Variants in FAM120B observed in about 807,000 individuals in gnomAD.
FAM120B encodes the protein constitutive coactivator of peroxisome proliferator-activated receptor gamma.
FAM120B carries 83 observed loss-of-function variants against 96.3 expected under a neutral mutation model. That is an observed-to-expected ratio of 0.86 (90% confidence interval 0.72 to 1.03). The LOEUF (loss-of-function observed/expected upper bound fraction) is 1.03. Among genes scored for constraint, FAM120B ranks in the 50% least tolerant of loss-of-function variants. The pLI, the probability that FAM120B is intolerant of heterozygous loss-of-function variation, is 0.00. For synonymous variants in FAM120B, 407 were observed against 402.7 expected, an observed-to-expected ratio of 1.01 and a Z score of -0.13; for missense variants, 1,027 against 1,121.2, an observed-to-expected ratio of 0.92 and a Z score of 1.20.
At chr6:170,393,993 T>G (rs1409932242) in intron 8 of FAM120B, among the ~76,000 whole-genome samples, 1 of 152,184 alleles carries the variant, frequency 6.6e-6, no homozygotes, top group Non-Finnish European at 1.5e-5. Context: ...CACCTGTTAT[T>G]CTCAGTGTGT....
chr6:170,378,069 G>A (rs991462422), intron 6 of FAM120B, among the ~76,000 whole-genome samples: 4 of 152,180 alleles, frequency 2.6e-5, no homozygotes, highest in African/African-American at 9.7e-5. Flanking sequence ...TTTGTTTCTT[G>A]GTTTAGAGTT....
chr6:170,323,298 T>C (rs1255586680), intron 3 of FAM120B, 39 bp downstream of exon 3: 2 of 1,545,000 alleles, frequency 1.3e-6, no homozygotes, highest in South Asian at 2.4e-5. Context: ...AGGTTCTATT[T>C]GGAGTTGAGT....
chr6:170,295,182 T>G, upstream of FAM120B: 1 of 496,180 alleles, frequency 2.0e-6, no homozygotes, highest in Non-Finnish European at 3.6e-6. The surrounding 1 kb of genome is among the most constrained non-coding windows in gnomAD (Gnocchi z 7.8). Context: ...GGAGCTATCA[T>G]GGTTACTTCC....
At chr6:170,395,458 A>G (rs1174635889) in intron 8 of FAM120B, 29 bp from the exon 9 acceptor site, 5 of 1,536,458 alleles carry the variant, frequency 3.3e-6, no homozygotes, top group Non-Finnish European at 4.4e-6. Context: ...TTGACAACTT[A>G]CTAATCTTCT....
chr6:170,343,280 T>TCAC (rs1326997933), intron 4 of FAM120B, among the ~76,000 whole-genome samples: 1 of 152,138 alleles, frequency 6.6e-6, no homozygotes, highest in African/African-American at 2.4e-5. Context: ...TTAAAGCCTT[T>TCAC]TTGTAGAGTG....
chr6:170,296,073 A>G (rs1475634157), intron 1 of FAM120B, among the ~76,000 whole-genome samples: 1 of 151,946 alleles, frequency 6.6e-6, no homozygotes, highest in Non-Finnish European at 1.5e-5. Context: ...GCGCGTGTTT[A>G]CCTGCGGCCG....
intron 5 of FAM120B, 126 bp from the exon 6 acceptor site, chr6:170,358,100 C>G: frequency 2.7e-6 from 2 of 748,314 alleles, no homozygotes; most frequent in Non-Finnish European, 4.5e-6. Flanking sequence ...GTGCGTGTGC[C>G]TGTACGTGCC....
chr6:170,291,556 A>C (rs1783873836), upstream of FAM120B, among the ~76,000 whole-genome samples: 1 of 152,138 alleles, frequency 6.6e-6, no homozygotes, highest in African/African-American at 2.4e-5. Flanking sequence ...TTCGGGGAGC[A>C]TCGTAGGAAA....
At chr6:170,391,201 T>G (rs1158353448) in intron 8 of FAM120B, 80 bp downstream of exon 8, 1 of 946,952 alleles carries the variant, frequency 1.1e-6, no homozygotes, top group Non-Finnish European at 1.7e-6. Flanking sequence ...ATAAATGAAT[T>G]CTAAGAAGAG....
chr6:170,400,521 C>G (rs189405146), intron 9 of FAM120B, among the ~76,000 whole-genome samples: 1 of 152,118 alleles, frequency 6.6e-6, no homozygotes, highest in Admixed American at 6.5e-5. Context: ...CTGCCCCTTC[C>G]CAGTGGCCTG....
chr6:170,369,850 T>A (rs985596882), intron 6 of FAM120B, among the ~76,000 whole-genome samples: 3 of 152,176 alleles, frequency 2.0e-5, no homozygotes, highest in Admixed American at 1.3e-4. Context: ...CCATGGAACC[T>A]TTGCACCTTG....
rs151206720 is a variant in FAM120B at position 170,330,516 on chromosome 6, G to C, written c.1983G>C (p.Pro661=). The change falls in exon 4 of 11, where the codon CCG becomes CCC. Residue 661 remains proline (P), a synonymous_variant. Transcript: ENST00000476287. ...ATCCTGGGAACCCACTGAGGCACCCGGACCTCGTCAGGCCGCTGCAGATGA... is the reference window on the plus strand; with the variant it reads ...ATCCTGGGAACCCACTGAGGCACCCCGACCTCGTCAGGCCGCTGCAGATGA... ...FVYPGNPLRH[P]DLVRPLQMTI... is the part of the protein sequence containing the mutation. 87 of 1,614,138 alleles carry C rather than the reference G, an allele frequency of 5.4e-5. 1 individual carries two copies. In the African/African-American group the frequency reaches 1.1e-3, roughly 20 times the overall value.
chr6:170,317,295 C>T, intron 1 of FAM120B, 75 bp from the exon 2 acceptor site: 1 of 1,152,596 alleles, frequency 8.7e-7, no homozygotes, highest in Non-Finnish European at 1.3e-6. Context: ...ATATTAACTA[C>T]TGTGTTTGCT....
At chr6:170,351,117 A>T (rs1056734957) in intron 5 of FAM120B, among the ~76,000 whole-genome samples, 2 of 152,228 alleles carry the variant, frequency 1.3e-5, no homozygotes, top group African/African-American at 2.4e-5. Context: ...GAGCTGAAAA[A>T]CACAGCATAA....
At chr6:170,296,449 G>T (rs115223894) in intron 1 of FAM120B, among the ~76,000 whole-genome samples, 14,168 of 151,898 alleles carry the variant, frequency 0.093, 937 homozygotes, top group African/African-American at 0.18. Flanking sequence ...CTGCGAGGGC[G>T]GAGGGCGGCG....
At chr6:170,306,572 G>C (rs1784292704), upstream of FAM120B, 1 of 152,228 alleles carries the variant, frequency 6.6e-6, no homozygotes, top group African/African-American at 2.4e-5. Flanking sequence ...AGTTGCTGTG[G>C]CAACAGGCCG....
chr6:170,332,258 G>A (rs1354769628), intron 4 of FAM120B, among the ~76,000 whole-genome samples: 1 of 152,212 alleles, frequency 6.6e-6, no homozygotes, highest in Non-Finnish European at 1.5e-5. Context: ...CATCAATAAT[G>A]ATGATAATTC....
chr6:170,364,503 C>A (rs187772536), intron 6 of FAM120B, among the ~76,000 whole-genome samples: 1 of 152,292 alleles, frequency 6.6e-6, no homozygotes, highest in Non-Finnish European at 1.5e-5. Flanking sequence ...AGCATCCTGC[C>A]AACATTGATT....
chr6:170,341,859 T>C (rs1245187668), intron 4 of FAM120B, among the ~76,000 whole-genome samples: 1 of 152,198 alleles, frequency 6.6e-6, no homozygotes, highest in African/African-American at 2.4e-5. Context: ...CAGTTGGAAA[T>C]GCAGAAATCA....
Sources: allele counts gnomAD v4.1 joint callset (sites outside exome capture counted in the v4.1 genomes callset), GRCh38; gene constraint gnomAD v4.1.1; non-coding constraint Gnocchi (gnomAD v3.1); transcripts MANE v1.5; gene names NCBI Gene and HGNC (gene_info 2026-07-23, HGNC 2026-07-21).